Variants in TMEM132B observed in about 807,000 individuals in gnomAD.
TMEM132B encodes transmembrane protein 132B.
TMEM132B carries 18 observed loss-of-function variants against 90.8 expected under a neutral mutation model. The ratio of observed to expected loss-of-function variants is 0.20; its 90% CI spans 0.14 to 0.29. The LOEUF is 0.29. Among genes scored for constraint, TMEM132B ranks in the 10% least tolerant of loss-of-function variants. The pLI is 1.00. For synonymous variants in TMEM132B, 504 were observed against 523.3 expected (o/e 0.96, Z 0.50); for missense variants, 1,096 against 1,326.8 (o/e 0.83, Z 2.70).
intron 1 of TMEM132B, among the ~76,000 whole-genome samples, chr12:125,296,916 A>C (rs1311804336): frequency 6.6e-6 from 1 of 152,222 alleles, no homozygotes; most frequent in Non-Finnish European, 1.5e-5. Flanking sequence ...TTAACCGTGC[A>C]CAGGAGGCCT....
At chr12:125,390,620 CGTT>C (rs911169670) in intron 2 of TMEM132B, among the ~76,000 whole-genome samples, 72 of 152,292 alleles carry the variant, frequency 4.7e-4, no homozygotes, top group African/African-American at 1.7e-3. Flanking sequence ...GCATCTTTCT[CGTT>C]GTTCTGTCTC....
chr12:125,556,928 G>A (rs1884404179), intron 4 of TMEM132B, among the ~76,000 whole-genome samples: 1 of 149,782 alleles, frequency 6.7e-6, no homozygotes, highest in African/African-American at 2.4e-5. Context: ...CTAATTTTTT[G>A]TATTTTTAGT....
chr12:125,418,554 A>G (rs1433998563), intron 3 of TMEM132B, among the ~76,000 whole-genome samples: 2 of 152,202 alleles, frequency 1.3e-5, no homozygotes, highest in Admixed American at 6.5e-5. Flanking sequence ...TGAGGTGTGA[A>G]GTACAGGCTC....
At chr12:125,545,209 G>A (rs11612913) in intron 4 of TMEM132B, among the ~76,000 whole-genome samples, 19,305 of 152,244 alleles carry the variant, frequency 0.13, 1,305 homozygotes, top group South Asian at 0.18. Context: ...TTGTATAAAT[G>A]AAGTGAGTCA....
chr12:125,574,738 T>C (rs1475577011), intron 4 of TMEM132B, among the ~76,000 whole-genome samples: 1 of 151,988 alleles, frequency 6.6e-6, no homozygotes, highest in Admixed American at 6.6e-5. Flanking sequence ...CTGTATTATA[T>C]CTACTTCTTG....
At chr12:125,262,541 G>A (rs965231394) in intron 1 of TMEM132B, among the ~76,000 whole-genome samples, 1 of 152,102 alleles carries the variant, frequency 6.6e-6, no homozygotes, top group Non-Finnish European at 1.5e-5. Context: ...TTTAGTTAAG[G>A]CGTGGGCTTG....
intron 5 of TMEM132B, among the ~76,000 whole-genome samples, chr12:125,594,548 G>C (rs2136902771): frequency 6.6e-6 from 1 of 152,280 alleles, no homozygotes; most frequent in South Asian, 2.1e-4. Context: ...CACTTAGTAT[G>C]ATCAGTCTTT....
rs969175019 is a variant in TMEM132B, at chr12:125,406,646, T to C, written c.960-8885T>C. Reference sequence around the variant, plus strand: ...TATTTCACAGTCTTGATGGCGTGAGTTCTAATTGCACGCTTCCTTCTCCAA... The same window carrying C: ...TATTTCACAGTCTTGATGGCGTGAGCTCTAATTGCACGCTTCCTTCTCCAA... On this transcript the variant is annotated intron_variant, in intron 2 of 8. Transcript: ENST00000682704. This position sits in a 1 kb window ranked among gnomAD's most constrained non-coding sequence, Gnocchi z 8.3. Among the ~76,000 whole-genome samples, 3 of 151,930 alleles carry C rather than the reference T, an allele frequency of 2.0e-5. No homozygotes were observed. The highest frequency in any genetic ancestry group is 7.3e-5 in the African/African-American group (3 of 41,332).
chr12:125,363,554 G>C (rs1878028506), intron 2 of TMEM132B, among the ~76,000 whole-genome samples: 2 of 152,188 alleles, frequency 1.3e-5, no homozygotes, highest in Non-Finnish European at 2.9e-5. Context: ...GAGTGAAATA[G>C]GGTTGGTGGC....
chr12:125,493,426 A>G (rs532282207), intron 3 of TMEM132B, among the ~76,000 whole-genome samples: 33 of 152,310 alleles, frequency 2.2e-4, no homozygotes, highest in African/African-American at 7.2e-4. Flanking sequence ...GGTTCCCTGC[A>G]GAGTGGAGAC....
At chr12:125,422,587 AGGGTCTTT>A (rs1880200371) in intron 3 of TMEM132B, among the ~76,000 whole-genome samples, 1 of 152,230 alleles carries the variant, frequency 6.6e-6, no homozygotes, top group Non-Finnish European at 1.5e-5. Flanking sequence ...ATTTGGCAGA[AGGGTCTTT>A]GCAGAGGTCA....
chr12:125,295,914 T>C (rs1200267739), intron 1 of TMEM132B, among the ~76,000 whole-genome samples: 1 of 152,238 alleles, frequency 6.6e-6, no homozygotes, highest in African/African-American at 2.4e-5. Context: ...CTCTTGCTGA[T>C]AGTAGCACTT....
intron 3 of TMEM132B, among the ~76,000 whole-genome samples, chr12:125,420,548 A>G (rs1880140844): frequency 7.3e-6 from 1 of 137,020 alleles, no homozygotes; most frequent in Non-Finnish European, 1.5e-5. Context: ...TAAAGAAACC[A>G]TTTTTTCCCT....
At chr12:125,615,212 A>G (rs555838753) in intron 5 of TMEM132B, among the ~76,000 whole-genome samples, 9 of 152,140 alleles carry the variant, frequency 5.9e-5, no homozygotes, top group African/African-American at 1.4e-4. Flanking sequence ...TAAAATTTTT[A>G]TTAAATTTGG....
intron 2 of TMEM132B, among the ~76,000 whole-genome samples, chr12:125,397,673 C>CCAGA (rs1331304790): frequency 2.0e-5 from 3 of 152,118 alleles, no homozygotes. Context: ...AGCATAAGGA[C>CCAGA]CAGAGTCCAT....
chr12:125,556,069 G>A (rs1162744557), intron 4 of TMEM132B, among the ~76,000 whole-genome samples: 1 of 152,172 alleles, frequency 6.6e-6, no homozygotes, highest in East Asian at 1.9e-4. Flanking sequence ...TTTTAACTTG[G>A]AATAAAAGGC....
chr12:125,385,406 T>C (rs1878802070), intron 2 of TMEM132B, among the ~76,000 whole-genome samples: 1 of 152,246 alleles, frequency 6.6e-6, no homozygotes, highest in Admixed American at 6.5e-5. Context: ...AGCCTCACCA[T>C]GTCTCTTTGT....
At chr12:125,265,967 G>A (rs533430584) in intron 1 of TMEM132B, among the ~76,000 whole-genome samples, 17 of 152,060 alleles carry the variant, frequency 1.1e-4, no homozygotes, top group South Asian at 6.2e-4. Context: ...GGTGGCTCAC[G>A]CCTGTAATCC....
At chr12:125,615,452 T>C (rs560551588) in intron 5 of TMEM132B, among the ~76,000 whole-genome samples, 1 of 152,304 alleles carries the variant, frequency 6.6e-6, no homozygotes, top group African/African-American at 2.4e-5. Context: ...TATCAGTCTA[T>C]CCTCAGTCTT....
Sources: gnomAD v4.1 joint callset for allele counts (sites outside exome capture counted in the v4.1 genomes callset) on GRCh38, gnomAD v4.1.1 for gene constraint, Gnocchi (gnomAD v3.1) non-coding constraint, MANE v1.5 for transcripts, NCBI Gene and HGNC (gene_info 2026-07-23, HGNC 2026-07-21) for gene names.